UBE2W: variants seen among roughly 807,000 people sequenced by gnomAD.
UBE2W encodes the protein ubiquitin conjugating enzyme E2 W.
A neutral mutation model predicts 27.2 loss-of-function variants in UBE2W; 18 were observed. That is an observed-to-expected ratio of 0.66 (90% CI 0.46 to 0.98). UBE2W has a LOEUF of 0.98. Among genes scored for constraint, UBE2W ranks in the 50% least tolerant of loss-of-function variants. The pLI is 0.00. For missense variants in UBE2W, 90 were observed against 180.2 expected (o/e 0.50, Z 2.87); for synonymous variants, 53 against 57.2 (o/e 0.93, Z 0.33).
chr8:73,780,610 C>T, intron 4 of UBE2W: 1 of 407,906 alleles, frequency 2.5e-6, no homozygotes, highest in Non-Finnish European at 4.9e-6. Flanking sequence ...CAACCTCCAT[C>T]TCCCAGGTTG....
intron 1 of UBE2W, among the ~76,000 whole-genome samples, chr8:73,844,084 A>G (rs1259900322): frequency 2.0e-5 from 3 of 152,250 alleles, no homozygotes; most frequent in Admixed American, 1.3e-4. Context: ...ATTAATTCTA[A>G]GCAGCATAAA....
At position 73,791,771 on chromosome 8, in the gene UBE2W, T is replaced by C. The variant is rs1325939738; in HGVS notation, c.*2331A>G. ...CTATATTTTAGGATATTTCATCTTA[T>C]TTTCTACTCTTTAAACCATAAGATG... On this transcript the variant is annotated 3_prime_UTR_variant, in exon 6 of 6. Coordinates refer to ENST00000602593, the MANE Select transcript of UBE2W (RefSeq NM_018299.6). The C allele has an allele frequency of 1.0e-6, 1 of 984,884 alleles. No individual in the cohort carries two copies. 61.0% of individuals were successfully genotyped at this position (984,884 alleles called of 1,614,324 possible). A position where few individuals can be genotyped will look rare whatever the true frequency, so the allele number is the denominator to read the frequency against.
rs562273234 is a variant in UBE2W, at chr8:73,801,279, A to C, written c.442+4372T>G. On this transcript the variant is annotated intron_variant, in intron 5 of 5. Coordinates refer to ENST00000602593, the MANE Select transcript of UBE2W (RefSeq NM_018299.6). Reference sequence around the variant, plus strand: ...TTTCAACCATATAACCCAGCATTAGAGGGGCTAGAAAACCGATTATCTTTT... The same window carrying C: ...TTTCAACCATATAACCCAGCATTAGCGGGGCTAGAAAACCGATTATCTTTT... Among the ~76,000 whole-genome samples the C allele has an allele frequency of 7.9e-5, 12 of 152,306 alleles. No homozygotes were observed. The East Asian group carries it at 2.3e-3, about 29-fold the overall frequency.
intron 3 of UBE2W, among the ~76,000 whole-genome samples, chr8:73,822,502 G>A (rs1203718352): frequency 7.1e-6 from 1 of 141,560 alleles, no homozygotes. Context: ...ACAACGATCA[G>A]GAAATAAACC....
Position 73,787,794 on chromosome 8 carries a change from A to G in UBE2W, c.*6308T>C, listed in dbSNP as rs559697858. ...CTTAGAGTATGCCCTTAATTGTACA[A>G]CTTGAAGTTCAGGAACATCGGACTC... On this transcript the variant is annotated 3_prime_UTR_variant, in exon 6 of 6. Transcript: ENST00000602593. The G allele has an allele frequency of 4.4e-5, 43 of 985,404 alleles. 1 individual carries two copies. The East Asian group carries it at 1.6e-3, about 36-fold the overall frequency. 61.0% of individuals were successfully genotyped at this position (985,404 alleles called of 1,614,324 possible).
At chr8:73,827,314 A>G (rs987185316) in intron 2 of UBE2W, among the ~76,000 whole-genome samples, 2 of 152,116 alleles carry the variant, frequency 1.3e-5, no homozygotes, top group South Asian at 4.1e-4. Flanking sequence ...CCTGGGTTCA[A>G]GTGATTCTCC....
Position 73,791,175 on chromosome 8 carries a change from A to G in UBE2W, c.*2927T>C, listed in dbSNP as rs771959799. On this transcript the variant is annotated 3_prime_UTR_variant, in exon 6 of 6. Coordinates refer to ENST00000602593, the MANE Select transcript of UBE2W (RefSeq NM_018299.6). The stretch of plus-strand genomic sequence containing the variant: ...CAGAAGTGAATATTAATTCCTTAAG[A>G]GAACCATAAAATGTATTTTTAAAAA... The G allele has an allele frequency of 5.9e-5, 58 of 983,172 alleles. No individual in the cohort carries two copies. Among genetic ancestry groups the G allele is most frequent in the Non-Finnish European group, 6.5e-5 (54 of 828,112 alleles). The allele number at this position is 983,172 out of a possible 1,614,324, so 60.9% of individuals were successfully genotyped here. A position where few individuals can be genotyped will look rare whatever the true frequency, so the allele number is the denominator to read the frequency against.
intron 5 of UBE2W, among the ~76,000 whole-genome samples, chr8:73,803,597 A>G (rs925333771): frequency 6.6e-6 from 1 of 151,970 alleles, no homozygotes; most frequent in African/African-American, 2.4e-5. Flanking sequence ...TTTGTAATGA[A>G]CTCCATCGAA....
chr8:73,858,196 A>G (rs1178499190), intron 1 of UBE2W, among the ~76,000 whole-genome samples: 1 of 152,106 alleles, frequency 6.6e-6, no homozygotes, highest in African/African-American at 2.4e-5. Flanking sequence ...CCCAGTCTCC[A>G]ATAAAAATAC....
chr8:73,845,009 G>A (rs187389246), intron 1 of UBE2W, among the ~76,000 whole-genome samples: 8,589 of 151,770 alleles, frequency 0.057, 802 homozygotes, highest in African/African-American at 0.19. Flanking sequence ...CCGTCCAGGA[G>A]GTGGGGGGCA....
chr8:73,872,823 C>A (rs1024961639), intron 1 of UBE2W, among the ~76,000 whole-genome samples: 1 of 151,256 alleles, frequency 6.6e-6, no homozygotes, highest in Non-Finnish European at 1.5e-5. Context: ...AAAAGAAGTT[C>A]TCATGTGTAT....
rs1807993584 is a variant in UBE2W, at chr8:73,787,249, A to T, written c.*6853T>A. On this transcript the variant is annotated 3_prime_UTR_variant, in exon 6 of 6. Coordinates refer to ENST00000602593, the MANE Select transcript of UBE2W (RefSeq NM_018299.6). Reference sequence around the variant, plus strand: ...TGTTGTCCAAGTACACAAAACTCTTAGCTGTCTCACTTGCTTCTTCAATTT... The same window carrying T: ...TGTTGTCCAAGTACACAAAACTCTTTGCTGTCTCACTTGCTTCTTCAATTT... 1 of 985,330 alleles carries T rather than the reference A, an allele frequency of 1.0e-6. No homozygotes were observed. The highest frequency in any genetic ancestry group is 1.7e-5 in the African/African-American group (1 of 57,250). 61.0% of individuals were successfully genotyped at this position (985,330 alleles called of 1,614,324 possible). A position where few individuals can be genotyped will look rare whatever the true frequency, so the allele number is the denominator to read the frequency against.
At chr8:73,783,849 G>A (rs571472813), downstream of UBE2W, among the ~76,000 whole-genome samples, 4 of 152,236 alleles carry the variant, frequency 2.6e-5, no homozygotes, top group East Asian at 1.9e-4. Context: ...TGCAACCTCC[G>A]TCTCCTGGTT....
chr8:73,878,724 G>C, intron 1 of UBE2W, 84 bp downstream of exon 1: 1 of 1,264,374 alleles, frequency 7.9e-7, no homozygotes, highest in Non-Finnish European at 1.1e-6. Context: ...GGGTGTCCCC[G>C]AATCGCGGAC....
At chr8:73,877,039 CT>C (rs1418973812) in intron 1 of UBE2W, among the ~76,000 whole-genome samples, 4 of 152,176 alleles carry the variant, frequency 2.6e-5, no homozygotes, top group Non-Finnish European at 5.9e-5. Flanking sequence ...ACAAATCTGC[CT>C]TTTCCAGATA....
chr8:73,828,123 C>T (rs944946583), intron 2 of UBE2W, among the ~76,000 whole-genome samples: 1 of 152,152 alleles, frequency 6.6e-6, no homozygotes. Flanking sequence ...TGAGACTACA[C>T]GTGTTGTTCT....
Position 73,842,966 on chromosome 8 carries a change from C to T in UBE2W, c.16-12494G>A, listed in dbSNP as rs79003898. Among the ~76,000 whole-genome samples, 103 of 152,230 alleles carry T rather than the reference C, an allele frequency of 6.8e-4. 2 individuals are homozygous for T. In the East Asian group the frequency reaches 0.012, roughly 18 times the overall value. On this transcript the variant is annotated intron_variant, in intron 1 of 5. Transcript: ENST00000602593. ...CTGAAGAATGAACAAAATGTGACAA[C>T]CATGCAATGGAATTTTATTTCGCCT...
chr8:73,786,770 A>T lies in UBE2W; in HGVS notation c.*7332T>A. ...AGACTGGAGAGAAGGTAGAAATCTC[A>T]GAGACATTTTAAAGTTACACTCAAC... On this transcript the variant is annotated 3_prime_UTR_variant, in exon 6 of 6. Coordinates refer to ENST00000602593, the MANE Select transcript of UBE2W (RefSeq NM_018299.6). 1.0e-6 allele frequency: 1 copy of T among 985,114 alleles called. No individual in the cohort carries two copies. Among genetic ancestry groups the T allele is most frequent in the South Asian group, 4.7e-5 (1 of 21,284 alleles). 61.0% of individuals were successfully genotyped at this position (985,114 alleles called of 1,614,324 possible). A position where few individuals can be genotyped will look rare whatever the true frequency, so the allele number is the denominator to read the frequency against.
At position 73,791,180 on chromosome 8, in the gene UBE2W, C is replaced by A. The variant is rs1416928589; in HGVS notation, c.*2922G>T. On this transcript the variant is annotated 3_prime_UTR_variant, in exon 6 of 6. Transcript: ENST00000602593. ...GTGAATATTAATTCCTTAAGAGAAC[C>A]ATAAAATGTATTTTTAAAAAATTCT... The A allele has an allele frequency of 1.0e-6, 1 of 980,972 alleles. No homozygotes were observed. Among genetic ancestry groups the A allele is most frequent in the African/African-American group, 1.8e-5 (1 of 56,230 alleles). 60.8% of individuals were successfully genotyped at this position (980,972 alleles called of 1,614,324 possible).
Sources: gnomAD v4.1 joint callset for allele counts (sites outside exome capture counted in the v4.1 genomes callset) on GRCh38, gnomAD v4.1.1 for gene constraint, MANE v1.5 for transcripts, NCBI Gene and HGNC (gene_info 2026-07-23, HGNC 2026-07-21) for gene names.